ENO4: variants seen among roughly 807,000 people sequenced by gnomAD.
ENO4 encodes the protein 2-phospho-D-glycerate hydro-lyase.
ENO4 carries 53 observed loss-of-function variants against 63.2 expected under a neutral mutation model. That is an observed-to-expected ratio of 0.84 (90% CI 0.67 to 1.05). The LOEUF (loss-of-function observed/expected upper bound fraction) is 1.05, where lower values mean the gene tolerates loss of function less well. ENO4 is among the 50% of genes least tolerant of loss of function. The pLI is 0.00. For synonymous variants in ENO4, 266 were observed against 283.8 expected, an observed-to-expected ratio of 0.94 and a Z score of 0.63; for missense variants, 719 against 772.0, an observed-to-expected ratio of 0.93 and a Z score of 0.81.
rs59129110 is a variant in ENO4, at chr10:116,899,546, T to TGA, written c.1195-11947_1195-11946dup. On this transcript the variant is annotated intron_variant, in intron 10 of 10. Transcript: ENST00000369207. ...GTGTGTGTGTGTGTGTGTGTGTGTG[T>TGA]GAGAGAGTGCATGCATACATATGTT... Among the ~76,000 whole-genome samples the TGA allele has an allele frequency of 3.0e-3, 366 of 123,872 alleles. 2 individuals carry two copies. The highest frequency in any genetic ancestry group is 3.5e-3 in the African/African-American group (121 of 34,434). 81.3% of individuals were successfully genotyped at this position (123,872 alleles called of 152,430 possible).
intron 10 of ENO4, 81 bp downstream of exon 10, chr10:116,874,282 C>T: frequency 9.2e-7 from 1 of 1,087,858 alleles, no homozygotes; most frequent in Non-Finnish European, 1.3e-6. Flanking sequence ...TATTTTATAA[C>T]TCACCTTTTA....
chr10:116,890,376 C>T (rs1201357811), intron 10 of ENO4, among the ~76,000 whole-genome samples: 1 of 152,160 alleles, frequency 6.6e-6, no homozygotes, highest in East Asian at 1.9e-4. Flanking sequence ...CTAGTCTAAC[C>T]TTTTCAGTTG....
chr10:116,879,962 G>C lies in ENO4; in HGVS notation c.1699G>C (p.Glu567Gln). The C allele has an allele frequency of 1.3e-6, 2 of 1,550,758 alleles. No homozygotes were observed. Among genetic ancestry groups the C allele is most frequent in the Non-Finnish European group, 1.7e-6 (2 of 1,146,892 alleles). ...CAACCGCCTTCTCACTATAGAGGAAGAACTTGTCCAGAATGGAACACTGGG... is the reference window on the plus strand; with the variant it reads ...CAACCGCCTTCTCACTATAGAGGAACAACTTGTCCAGAATGGAACACTGGG... ...KYNRLLTIEE[E>Q]LVQNGTLGFK... The change falls in exon 13 of 14, where the codon GAA (glutamate) becomes CAA (glutamine). Residue 567 changes from glutamate (E) to glutamine (Q), a missense_variant. Physicochemically the swap from Glu to Gln is conservative, Grantham distance 29. Coordinates refer to ENST00000341276, the MANE Select transcript of ENO4 (RefSeq NM_001242699.2).
intron 10 of ENO4, 130 bp from the exon 11 acceptor site, chr10:116,875,935 A>G (rs1261317839): frequency 1.6e-6 from 1 of 606,714 alleles, no homozygotes; most frequent in Non-Finnish European, 2.6e-6. Context: ...ATTCAGGAAC[A>G]GAAGTAAAAG....
intron 10 of ENO4, chr10:116,901,127 G>A (rs1437327184): frequency 1.0e-6 from 1 of 985,204 alleles, no homozygotes; most frequent in East Asian, 1.1e-4. Flanking sequence ...ATCCTGGCAA[G>A]AGAACTAAAG....
intron 13 of ENO4, among the ~76,000 whole-genome samples, chr10:116,880,378 G>A (rs1846971742): frequency 6.6e-6 from 1 of 152,148 alleles, no homozygotes; most frequent in Admixed American, 6.5e-5. Flanking sequence ...AAACAAGTAG[G>A]CAGCGTGTTA....
Position 116,879,362 on chromosome 10 carries a change from A to G in ENO4, c.1605+4A>G, listed in dbSNP as rs1240547701. On this transcript the variant is annotated splice_donor_region_variant and intron_variant, in intron 12 of 13. Transcript: ENST00000341276. ...TGATGACAGCCTTGTCGATTTGGTA[A>G]GTGCTGAATGCTGGTCAACTGCCAA... The G allele has an allele frequency of 1.9e-6, 3 of 1,547,172 alleles. No individual in the cohort carries two copies. The Admixed American group carries it at 5.9e-5, about 31-fold the overall frequency.
At chr10:116,854,940 CAAAAAAAA>C (rs71013620) in intron 1 of ENO4, among the ~76,000 whole-genome samples, 43 of 41,530 alleles carry the variant, frequency 1.0e-3, no homozygotes, top group Admixed American at 6.4e-3. Context: ...GACCCTGTCT[CAAAAAAAA>C]AAAAAAAAAA....
In ENO4 at chr10:116,900,192, A is replaced by G. The variant is rs567196655; in HGVS notation, c.1195-11307A>G. On this transcript the variant is annotated intron_variant, in intron 10 of 10. Coordinates refer to the ENO4 transcript ENST00000369207. ...TTTATTTAGCTAAAGAATGTCAAGA[A>G]CCGAATAATCGAGCATTAGGTTTCA... 8 of 219,110 alleles carry G rather than the reference A, an allele frequency of 3.7e-5. No homozygotes were observed. In the East Asian group the frequency reaches 7.5e-4, roughly 21 times the overall value. The allele number at this position is 219,110 out of a possible 1,614,324, so 13.6% of individuals were successfully genotyped here. A position where few individuals can be genotyped will look rare whatever the true frequency, so the allele number is the denominator to read the frequency against.
rs1846932005 is a variant in ENO4 at position 116,879,352 on chromosome 10, C to T, written c.1599C>T (p.Val533=). 4 of 1,549,268 alleles carry T rather than the reference C, an allele frequency of 2.6e-6. No individual in the cohort carries two copies. Among genetic ancestry groups the T allele is most frequent in the African/African-American group, 1.4e-5 (1 of 72,964 alleles). The change falls in exon 12 of 14, where the codon GTC becomes GTT. Residue 533 remains valine (V), a synonymous_variant. Coordinates refer to ENST00000341276, the MANE Select transcript of ENO4 (RefSeq NM_001242699.2). ...TEGESSDDSL[V]DLAVGLGVRF... ...GAGAATCATCTGATGACAGCCTTGT[C>T]GATTTGGTAAGTGCTGAATGCTGGT...
chr10:116,859,164 G>A (rs1372641674), intron 4 of ENO4, 26 bp downstream of exon 4: 4 of 1,506,586 alleles, frequency 2.7e-6, no homozygotes, highest in Middle Eastern at 1.7e-4. Context: ...ATCTTGCAGA[G>A]TCGTTAGTAA....
At chr10:116,881,253 A>C (rs1846999638) in intron 13 of ENO4, among the ~76,000 whole-genome samples, 1 of 152,166 alleles carries the variant, frequency 6.6e-6, no homozygotes, top group Non-Finnish European at 1.5e-5. Context: ...CTTTCCGCTA[A>C]GCCTCTGCCC....
chr10:116,855,512 T>G lies in ENO4; in HGVS notation c.166-111T>G, dbSNP rs1846236922. 36 of 1,347,988 alleles carry G rather than the reference T, an allele frequency of 2.7e-5. 1 individual carries two copies. The South Asian group carries it at 4.6e-4, about 17-fold the overall frequency. The allele number at this position is 1,347,988 out of a possible 1,614,324, so 83.5% of individuals were successfully genotyped here. A position where few individuals can be genotyped will look rare whatever the true frequency, so the allele number is the denominator to read the frequency against. On this transcript the variant is annotated intron_variant, in intron 1 of 13. Coordinates refer to ENST00000341276, the MANE Select transcript of ENO4 (RefSeq NM_001242699.2). ...ACTCGCGGAGAGGTTTGGTAGAAACTAGAGTCAATGTGAATGACCTTTTGA... is the reference window on the plus strand; with the variant it reads ...ACTCGCGGAGAGGTTTGGTAGAAACGAGAGTCAATGTGAATGACCTTTTGA...
intron 2 of ENO4, 145 bp downstream of exon 2, chr10:116,855,896 TA>T (rs1481905729): frequency 2.1e-6 from 2 of 953,886 alleles, no homozygotes; most frequent in Non-Finnish European, 3.0e-6. Context: ...GCATGAATCA[TA>T]CCATCAACCA....
chr10:116,896,837 A>C (rs1394296554), intron 10 of ENO4, among the ~76,000 whole-genome samples: 8 of 131,268 alleles, frequency 6.1e-5, no homozygotes, highest in African/African-American at 6.0e-5. Context: ...TAAGAGTCTC[A>C]CTCTGTGGCC....
Position 116,882,005 on chromosome 10 carries a change from A to G in ENO4, c.*336A>G, listed in dbSNP as rs749954339. ...AACACCCCATCCTTTACCAATCAGA[A>G]TATCTCTGAGAACAAAAACCTAATG... On this transcript the variant is annotated 3_prime_UTR_variant, in exon 14 of 14. Coordinates refer to ENST00000341276, the MANE Select transcript of ENO4 (RefSeq NM_001242699.2). The G allele has an allele frequency of 1.1e-4, 20 of 189,056 alleles. No homozygotes were observed. The highest frequency in any genetic ancestry group is 3.7e-4 in the South Asian group (2 of 5,344). 11.7% of individuals were successfully genotyped at this position (189,056 alleles called of 1,614,324 possible). A position where few individuals can be genotyped will look rare whatever the true frequency, so the allele number is the denominator to read the frequency against.
intron 1 of ENO4, among the ~76,000 whole-genome samples, chr10:116,854,940 C>CAA (rs71013620): frequency 0.02 from 823 of 41,538 alleles, 75 homozygotes; most frequent in African/African-American, 0.091. Flanking sequence ...GACCCTGTCT[C>CAA]AAAAAAAAAA....
downstream of ENO4, chr10:116,884,788 C>G (rs185801675): frequency 1.3e-5 from 2 of 157,414 alleles, no homozygotes; most frequent in Non-Finnish European, 1.4e-5. Flanking sequence ...ATAACCACAA[C>G]TGACCCTTAA....
intron 8 of ENO4, among the ~76,000 whole-genome samples, chr10:116,869,436 G>C (rs1434715219): frequency 6.6e-6 from 1 of 152,196 alleles, no homozygotes; most frequent in Non-Finnish European, 1.5e-5. Context: ...CCACCCTGAT[G>C]TTAGGTACAT....
Sources: gnomAD v4.1 joint callset for allele counts (sites outside exome capture counted in the v4.1 genomes callset) on GRCh38, gnomAD v4.1.1 for gene constraint, MANE v1.5 for transcripts, NCBI Gene and HGNC (gene_info 2026-07-23, HGNC 2026-07-21) for gene names.